FBN1: variants seen among roughly 807,000 people sequenced by gnomAD.
FBN1 encodes the protein fibrillin-1.
FBN1 carries 29 observed loss-of-function variants against 365.1 expected under a neutral mutation model. The ratio of observed to expected loss-of-function variants is 0.08; its 90% CI spans 0.06 to 0.11. The LOEUF (loss-of-function observed/expected upper bound fraction) is 0.11, where lower values mean the gene tolerates loss of function less well. FBN1 is among the 10% of genes least tolerant of loss of function. The probability of loss-of-function intolerance (pLI) is 1.00; values close to 1 mark genes in which losing one functional copy is unlikely to be tolerated. For missense variants in FBN1, 2,476 were observed against 3,703.2 expected, an observed-to-expected ratio of 0.67 and a Z score of 8.60; for synonymous variants, 1,210 against 1,270.5, an observed-to-expected ratio of 0.95 and a Z score of 1.01.
intron 64 of FBN1, among the ~76,000 whole-genome samples, chr15:48,414,692 C>T (rs534465635): frequency 1.3e-5 from 2 of 152,132 alleles, no homozygotes; most frequent in African/African-American, 2.4e-5. Context: ...GTCCGGAGAT[C>T]GAGACCATCC....
At chr15:48,444,390 C>T in intron 49 of FBN1, 151 bp downstream of exon 49, 1 of 891,722 alleles carries the variant, frequency 1.1e-6, no homozygotes, top group South Asian at 1.4e-5. Flanking sequence ...TCTTGTCTTG[C>T]CAGAAGGATG....
chr15:48,531,148 C>T (rs1027891021), intron 8 of FBN1, among the ~76,000 whole-genome samples: 3 of 152,182 alleles, frequency 2.0e-5, no homozygotes, highest in Non-Finnish European at 4.4e-5. Flanking sequence ...TCAATCTTTT[C>T]CTTCTTAAAT....
At position 48,624,438 on chromosome 15, in the gene FBN1, G is replaced by A. The variant is rs530262249; in HGVS notation, c.165-11346C>T. 4.3e-4 allele frequency among the ~76,000 whole-genome samples: 66 copies of A among 152,336 alleles called. No homozygotes were observed. In the South Asian group the frequency reaches 4.6e-3, roughly 11 times the overall value. On this transcript the variant is annotated intron_variant, in intron 2 of 65. Coordinates refer to ENST00000316623, the MANE Select transcript of FBN1 (RefSeq NM_000138.5). ...GGGCATCTGTATCTGGCCTACTGGC[G>A]TCACATGTCTGGTTGGTTGGGTAAA...
chr15:48,474,120 A>C, intron 34 of FBN1, 135 bp downstream of exon 34: 2 of 1,331,632 alleles, frequency 1.5e-6, no homozygotes, highest in Non-Finnish European at 2.1e-6. Flanking sequence ...TTTTTCCCAC[A>C]GAGCTCTAGT....
chr15:48,542,781 ATGTGTGTG>A (rs58728910), intron 6 of FBN1, among the ~76,000 whole-genome samples: 2,541 of 130,622 alleles, frequency 0.019, 48 homozygotes, highest in South Asian at 0.055. Flanking sequence ...GGACTCTAAG[ATGTGTGTG>A]TGTGTGTGTG....
intron 4 of FBN1, among the ~76,000 whole-genome samples, chr15:48,604,652 CAA>C (rs1334387194): frequency 1.3e-5 from 2 of 152,200 alleles, no homozygotes; most frequent in African/African-American, 2.4e-5. Flanking sequence ...GAGTAGAAAG[CAA>C]AGAGTTCAAC....
intron 10 of FBN1, among the ~76,000 whole-genome samples, chr15:48,517,115 T>TA (rs149714350): frequency 0.012 from 1,884 of 152,292 alleles, 40 homozygotes; most frequent in African/African-American, 0.043. Context: ...ATCATGGTGA[T>TA]AGCAGATTTG....
At position 48,415,694 on chromosome 15, in the gene FBN1, G is replaced by A. The variant is rs2042898552; in HGVS notation, c.7893C>T (p.Cys2631=). The change falls in exon 64 of 66, where the codon TGC becomes TGT. Residue 2631 remains cysteine, a synonymous_variant. Transcript: ENST00000316623. ...CATACTGGAAGCCGGCGGGACACAT[G>A]CACTTGTAGCTCCCCAGGGTGTTGT... ...SCHNTLGSYK[C]MCPAGFQYEQ... is the part of the protein sequence containing the mutation. 6.2e-7 allele frequency: 1 copy of A among 1,614,124 alleles called. No homozygotes were observed. Among genetic ancestry groups the A allele is most frequent in the Non-Finnish European group, 8.5e-7 (1 of 1,180,040 alleles).
At chr15:48,470,602 G>T in intron 36 of FBN1, 32 bp downstream of exon 36, 1 of 1,613,404 alleles carries the variant, frequency 6.2e-7, no homozygotes, top group African/African-American at 1.3e-5. Context: ...GGGACACCAG[G>T]GAGCTGATTT....
chr15:48,523,716 G>GGGC (rs2043881684), intron 9 of FBN1, among the ~76,000 whole-genome samples: 1 of 144,276 alleles, frequency 6.9e-6, no homozygotes, highest in African/African-American at 2.5e-5. Flanking sequence ...TGGCTGGGGG[G>GGGC]GGGGGGGAAC....
intron 48 of FBN1, among the ~76,000 whole-genome samples, chr15:48,444,916 G>C (rs955579807): frequency 2.6e-5 from 1 of 38,092 alleles, no homozygotes; most frequent in Non-Finnish European, 4.8e-5. Context: ...CATGTGAAAA[G>C]TCAGTGAGTA....
At chr15:48,496,330 T>A in intron 19 of FBN1, 105 bp from the exon 20 acceptor site, 1 of 1,481,692 alleles carries the variant, frequency 6.7e-7, no homozygotes, top group Non-Finnish European at 9.3e-7. Flanking sequence ...CGTGATCAAT[T>A]CAAGCAAAAA....
intron 63 of FBN1, among the ~76,000 whole-genome samples, chr15:48,420,035 G>T (rs2042927873): frequency 6.6e-6 from 1 of 152,172 alleles, no homozygotes; most frequent in Non-Finnish European, 1.5e-5. Flanking sequence ...GAGCTAAGTG[G>T]CTTCTGGTAT....
chr15:48,624,045 C>T (rs906537992), intron 2 of FBN1, among the ~76,000 whole-genome samples: 2 of 151,892 alleles, frequency 1.3e-5, no homozygotes, highest in Non-Finnish European at 2.9e-5. Flanking sequence ...GGCAGTTCCT[C>T]GGATCTGGGA....
intron 50 of FBN1, 124 bp downstream of exon 50, chr15:48,441,597 T>C: frequency 8.3e-7 from 1 of 1,209,986 alleles, no homozygotes; most frequent in Non-Finnish European, 1.2e-6. Context: ...ATTAGACCTC[T>C]GGGTGAATGA....
chr15:48,453,373 A>G (rs1468653422), intron 44 of FBN1, among the ~76,000 whole-genome samples: 1 of 150,942 alleles, frequency 6.6e-6, no homozygotes. Flanking sequence ...AATGTATATT[A>G]CTAAGCGAAT....
chr15:48,628,311 A>G (rs913722965), intron 2 of FBN1, among the ~76,000 whole-genome samples: 4 of 152,180 alleles, frequency 2.6e-5, no homozygotes, highest in African/African-American at 9.7e-5. Flanking sequence ...AAAAAAAAAA[A>G]AAAGAGCATT....
intron 12 of FBN1, among the ~76,000 whole-genome samples, chr15:48,514,133 C>G (rs1488636761): frequency 1.3e-5 from 2 of 152,202 alleles, no homozygotes; most frequent in African/African-American, 2.4e-5. Flanking sequence ...AAGGGCAGTT[C>G]TCAATCACCA....
Position 48,600,145 on chromosome 15 carries a change from C to T in FBN1, c.436G>A (p.Gly146Arg). ...ATAACTACAGTGTACTTACGTTGTC[C>T]ACAGTGAGTCCCTATGTATCCTTTC... ...CQKGYIGTHC[G>R]QPVCESGCLN... The change falls in exon 5 of 66, where the codon GGA becomes AGA. Residue 146 changes from glycine to arginine, a missense_variant. Physicochemically the swap from Gly to Arg is moderately radical, Grantham distance 125. This residue lies in a region of FBN1 where 421 missense variants were observed against 520.1 expected (regional missense o/e 0.81). Transcript: ENST00000316623. The T allele has an allele frequency of 6.2e-7, 1 of 1,609,650 alleles. No homozygotes were observed. The highest frequency in any genetic ancestry group is 8.5e-7 in the Non-Finnish European group (1 of 1,176,070).
Sources: gnomAD v4.1 joint callset for allele counts (sites outside exome capture counted in the v4.1 genomes callset) on GRCh38, gnomAD v4.1.1 for gene constraint, gnomAD v4.1.1 regional missense constraint, MANE v1.5 for transcripts, NCBI Gene and HGNC (gene_info 2026-07-23, HGNC 2026-07-21) for gene names.